LRP1B: variants seen among roughly 807,000 people sequenced by gnomAD.
LRP1B encodes LDL receptor related protein 1B.
A neutral mutation model predicts 556.6 loss-of-function variants in LRP1B; 217 were observed. The observed-to-expected ratio is 0.39, with a 90% confidence interval of 0.35 to 0.44. The LOEUF is 0.44. LRP1B is among the 20% of genes least tolerant of loss of function. The pLI is 1.00. For synonymous variants in LRP1B, 2,047 were observed against 1,865.8 expected, an observed-to-expected ratio of 1.10 and a Z score of -2.50; for missense variants, 5,053 against 5,620.8, an observed-to-expected ratio of 0.90 and a Z score of 3.23.
chr2:140,260,731 C>CAGG (rs747198964), intron 86 of LRP1B, among the ~76,000 whole-genome samples: 10 of 151,796 alleles, frequency 6.6e-5, no homozygotes, highest in Non-Finnish European at 1.3e-4. Context: ...ACCATCATCT[C>CAGG]AGGAAGGCTT....
At chr2:140,529,098 C>T (rs923711663) in intron 47 of LRP1B, among the ~76,000 whole-genome samples, 11 of 151,690 alleles carry the variant, frequency 7.3e-5, no homozygotes, top group Admixed American at 4.0e-4. Flanking sequence ...CCAGGTAGTC[C>T]GAAAGAAAAA....
intron 17 of LRP1B, among the ~76,000 whole-genome samples, chr2:140,987,674 G>A (rs1236325272): frequency 6.6e-6 from 1 of 152,044 alleles, no homozygotes; most frequent in East Asian, 1.9e-4. Flanking sequence ...TCTGTGAATT[G>A]AATCTTAACC....
intron 35 of LRP1B, among the ~76,000 whole-genome samples, chr2:140,756,061 T>C (rs1379210963): frequency 1.3e-5 from 2 of 151,916 alleles, no homozygotes; most frequent in African/African-American, 2.4e-5. Context: ...ACATTTATAA[T>C]GAACTTGAAA....
intron 41 of LRP1B, among the ~76,000 whole-genome samples, chr2:140,638,058 C>T (rs1007528262): frequency 3.3e-5 from 5 of 152,124 alleles, no homozygotes; most frequent in African/African-American, 9.7e-5. Flanking sequence ...TTCCTAAAAA[C>T]GTTTGTTACA....
At chr2:140,413,554 A>C (rs1558865199) in intron 66 of LRP1B, among the ~76,000 whole-genome samples, 2 of 152,356 alleles carry the variant, frequency 1.3e-5, no homozygotes, top group South Asian at 2.1e-4. Context: ...CTAAACTAAA[A>C]ACATTTAAAC....
intron 18 of LRP1B, among the ~76,000 whole-genome samples, chr2:140,967,714 A>G (rs1696275990): frequency 6.6e-6 from 1 of 152,030 alleles, no homozygotes; most frequent in Admixed American, 6.6e-5. Context: ...GATATGTCCC[A>G]TCAATACCTA....
At chr2:142,040,628 T>TG (rs1553507846) in intron 1 of LRP1B, among the ~76,000 whole-genome samples, 162 of 150,864 alleles carry the variant, frequency 1.1e-3, no homozygotes, top group Non-Finnish European at 8.9e-5. Context: ...ACTGAGGTTT[T>TG]TTTTTTTTTT....
intron 7 of LRP1B, among the ~76,000 whole-genome samples, chr2:141,179,374 C>A (rs1680892390): frequency 3.3e-5 from 5 of 151,936 alleles, no homozygotes; most frequent in Admixed American, 3.3e-4. Flanking sequence ...TCATTTTATT[C>A]CTCACTAAGC....
intron 1 of LRP1B, among the ~76,000 whole-genome samples, chr2:141,924,218 G>A (rs1208478825): frequency 1.3e-5 from 2 of 151,950 alleles, no homozygotes; most frequent in African/African-American, 2.4e-5. Context: ...GAACGGTGTA[G>A]CAGGGAAAGA....
rs560965832 is a variant in LRP1B at position 141,909,078 on chromosome 2, G to A, written c.83-98677C>T. Among the ~76,000 whole-genome samples the A allele has an allele frequency of 4.6e-5, 7 of 152,058 alleles. No homozygotes were observed. In the East Asian group the frequency reaches 9.7e-4, roughly 21 times the overall value. On this transcript the variant is annotated intron_variant, in intron 1 of 90. Transcript: ENST00000389484. ...TTATGGAGACTTCACTGATCCAAAG[G>A]GTGTATTAGGGAAAAACCTGTTTAG...
intron 4 of LRP1B, among the ~76,000 whole-genome samples, chr2:141,254,182 G>A (rs185053577): frequency 2.1e-4 from 32 of 152,126 alleles, no homozygotes; most frequent in African/African-American, 5.3e-4. Flanking sequence ...TTAACCTAAC[G>A]TAGTTAATAA....
intron 11 of LRP1B, among the ~76,000 whole-genome samples, chr2:141,038,142 A>ATT (rs1353467963): frequency 5.3e-5 from 8 of 151,592 alleles, no homozygotes; most frequent in Non-Finnish European, 7.4e-5. Context: ...AAATAATTAA[A>ATT]AAAAAAATCT....
At chr2:140,547,905 C>T (rs746314111) in intron 43 of LRP1B, among the ~76,000 whole-genome samples, 1 of 150,416 alleles carries the variant, frequency 6.6e-6, no homozygotes, top group African/African-American at 2.4e-5. Context: ...ATTATTTGGC[C>T]TCAGTATTAA....
At chr2:141,752,374 TG>T (rs1694145356) in intron 2 of LRP1B, among the ~76,000 whole-genome samples, 1 of 152,208 alleles carries the variant, frequency 6.6e-6, no homozygotes, top group Non-Finnish European at 1.5e-5. Flanking sequence ...TCTGGAGGCC[TG>T]GCATACTAAG....
intron 2 of LRP1B, among the ~76,000 whole-genome samples, chr2:141,640,542 A>AG (rs746897190): frequency 1.4e-4 from 22 of 152,142 alleles, no homozygotes; most frequent in Non-Finnish European, 2.9e-5. Flanking sequence ...CAGTGACTCA[A>AG]ACCTGTAATC....
intron 3 of LRP1B, among the ~76,000 whole-genome samples, chr2:141,414,254 G>GAAAAGA (rs1559057200): frequency 8.5e-6 from 1 of 118,090 alleles, no homozygotes; most frequent in African/African-American, 3.1e-5. Flanking sequence ...AAAAAAAAAA[G>GAAAAGA]AAAAAGGAAG....
intron 1 of LRP1B, among the ~76,000 whole-genome samples, chr2:142,073,023 C>T (rs957913069): frequency 2.0e-5 from 3 of 152,028 alleles, no homozygotes; most frequent in Non-Finnish European, 4.4e-5. Flanking sequence ...ATGTTAATCA[C>T]AGTCAGAAAG....
At chr2:140,712,260 C>G (rs1461872165) in intron 37 of LRP1B, among the ~76,000 whole-genome samples, 2 of 152,102 alleles carry the variant, frequency 1.3e-5, no homozygotes, top group African/African-American at 4.8e-5. Flanking sequence ...AGTTTAGACT[C>G]TAGAGTCCCT....
chr2:140,567,362 G>C (rs1181201451), intron 43 of LRP1B, among the ~76,000 whole-genome samples: 1 of 152,066 alleles, frequency 6.6e-6, no homozygotes, highest in East Asian at 1.9e-4. Context: ...TTATTCCTTG[G>C]GAGCCAAGTT....
Sources: allele counts gnomAD v4.1 joint callset (sites outside exome capture counted in the v4.1 genomes callset), GRCh38; gene constraint gnomAD v4.1.1; transcripts MANE v1.5; gene names NCBI Gene and HGNC (gene_info 2026-07-23, HGNC 2026-07-21).